ARHGEF12: variants seen among roughly 807,000 people sequenced by gnomAD.
ARHGEF12 encodes KMT2A/ARHGEF12 fusion protein.
Under a neutral mutation model 211.2 loss-of-function variants are expected in ARHGEF12, and 66 were observed. The observed-to-expected ratio is 0.31, with a 90% CI of 0.26 to 0.38. ARHGEF12 has a LOEUF of 0.38. Ranked by LOEUF, ARHGEF12 falls within the 10% of genes least tolerant of loss-of-function variation. The pLI is 1.00. For synonymous variants in ARHGEF12, 592 were observed against 638.4 expected (o/e 0.93, Z 1.09); for missense variants, 1,429 against 1,869.5 (o/e 0.76, Z 4.34).
At chr11:120,384,053 A>C (rs997709331) in intron 1 of ARHGEF12, among the ~76,000 whole-genome samples, 1 of 152,184 alleles carries the variant, frequency 6.6e-6, no homozygotes, top group African/African-American at 2.4e-5. Context: ...GAAAGTGCCA[A>C]GCATCAGAGA....
In ARHGEF12 at chr11:120,421,681, C is replaced by T; in HGVS notation, c.299-122C>T. ...TCGATCTCTTGACCTCGTGATCCGC[C>T]CGCCTCGGCCTCCCAAAGGACAGCC... On this transcript the variant is annotated intron_variant, in intron 5 of 40. Coordinates refer to ENST00000397843, the MANE Select transcript of ARHGEF12 (RefSeq NM_015313.3). 3 of 816,350 alleles carry T rather than the reference C, an allele frequency of 3.7e-6. No homozygotes were observed. In the South Asian group the frequency reaches 4.7e-5, roughly 13 times the overall value. 50.6% of individuals were successfully genotyped at this position (816,350 alleles called of 1,614,324 possible).
chr11:120,352,702 G>A (rs1477760271), intron 1 of ARHGEF12, among the ~76,000 whole-genome samples: 8 of 152,154 alleles, frequency 5.3e-5, no homozygotes. Context: ...TGCTTTGTTT[G>A]CCTGGCTGGG....
Position 120,436,064 on chromosome 11 carries a change from T to C in ARHGEF12, c.925-1244T>C, listed in dbSNP as rs1287685612. On this transcript the variant is annotated intron_variant, in intron 11 of 40. Transcript: ENST00000397843. ...TTCAGAAGAGTTTTTTCAGGAGAGATGATACTCTTACAAACTCCAAAGGTG... is the reference window on the plus strand; with the variant it reads ...TTCAGAAGAGTTTTTTCAGGAGAGACGATACTCTTACAAACTCCAAAGGTG... 2.0e-5 allele frequency among the ~76,000 whole-genome samples: 3 copies of C among 152,164 alleles called. No individual in the cohort carries two copies. In the East Asian group the frequency reaches 5.8e-4, roughly 29 times the overall value.
Position 120,445,580 on chromosome 11 carries a change from A to G in ARHGEF12, c.1345+116A>G, listed in dbSNP as rs898666554. 3.3e-5 allele frequency: 34 copies of G among 1,028,040 alleles called. No individual in the cohort carries two copies. The African/African-American group carries it at 5.2e-4, about 16-fold the overall frequency. The allele number at this position is 1,028,040 out of a possible 1,614,324, so 63.7% of individuals were successfully genotyped here. A position where few individuals can be genotyped will look rare whatever the true frequency, so the allele number is the denominator to read the frequency against. On this transcript the variant is annotated intron_variant, in intron 16 of 40. Coordinates refer to ENST00000397843, the MANE Select transcript of ARHGEF12 (RefSeq NM_015313.3). ...ACTAGTCGATCACCTGAATCACAAC[A>G]GAAAGACAGTCTATAATACATTTAA...
chr11:120,356,284 G>A (rs979443043), intron 1 of ARHGEF12, among the ~76,000 whole-genome samples: 16 of 152,306 alleles, frequency 1.1e-4, no homozygotes, highest in African/African-American at 3.6e-4. Context: ...GCCGTGGCAT[G>A]ATCTTGGCTC....
chr11:120,338,326 C>A (rs117473767), intron 1 of ARHGEF12, among the ~76,000 whole-genome samples: 318 of 152,266 alleles, frequency 2.1e-3, no homozygotes, highest in Middle Eastern at 0.017. Flanking sequence ...GTCTTAATTT[C>A]CTAATAAGAG....
intron 4 of ARHGEF12, chr11:120,410,958 G>A (rs989976515): frequency 2.0e-5 from 3 of 151,756 alleles, no homozygotes; most frequent in East Asian, 3.9e-4. Flanking sequence ...GTTCTATTTC[G>A]TCTTCCTCTC....
At position 120,475,362 on chromosome 11, in the gene ARHGEF12, A is replaced by G. The variant is rs369785699; in HGVS notation, c.3132A>G (p.Glu1044=). ...KTIDLYTLLL[E]DILVLLQKQD... ...TAGATTTATACACGTTGCTGCTGGA[A>G]GACATTCTTGTATTGTTACAAAAGC... The change falls in exon 33 of 41, where the codon GAA becomes GAG. Residue 1044 remains glutamate (E), a synonymous_variant. Transcript: ENST00000397843. 2.6e-5 allele frequency: 42 copies of G among 1,613,934 alleles called. No homozygotes were observed. Among genetic ancestry groups the G allele is most frequent in the Non-Finnish European group, 3.5e-5 (41 of 1,179,980 alleles).
chr11:120,405,542 A>G (rs1301917271), intron 1 of ARHGEF12, among the ~76,000 whole-genome samples: 3 of 152,158 alleles, frequency 2.0e-5, no homozygotes, highest in African/African-American at 7.2e-5. Flanking sequence ...TTTTTTCTAG[A>G]TAATCTGTTA....
At chr11:120,449,439 G>A (rs887676168) in intron 21 of ARHGEF12, 33 of 442,306 alleles carry the variant, frequency 7.5e-5, no homozygotes, top group Admixed American at 3.8e-4. Flanking sequence ...GGTGATTCAC[G>A]CCTGTAATCC....
intron 37 of ARHGEF12, 117 bp downstream of exon 37, chr11:120,478,506 T>A: frequency 1.0e-6 from 1 of 1,005,020 alleles, no homozygotes; most frequent in Non-Finnish European, 1.5e-6. Context: ...TTGTGGAGAT[T>A]ATAGTATTCT....
intron 1 of ARHGEF12, among the ~76,000 whole-genome samples, chr11:120,388,764 G>A (rs1944117624): frequency 6.6e-6 from 1 of 152,026 alleles, no homozygotes; most frequent in Admixed American, 6.5e-5. Context: ...TACTTCTTTT[G>A]TGGATTGTCT....
intron 25 of ARHGEF12, 49 bp downstream of exon 25, chr11:120,458,283 C>T (rs1211483428): frequency 1.2e-6 from 2 of 1,601,666 alleles, no homozygotes; most frequent in East Asian, 2.2e-5. Context: ...TGAGTTTTGT[C>T]AGAGTGAATT....
At chr11:120,409,513 G>T in intron 4 of ARHGEF12, 63 bp downstream of exon 4, 2 of 1,515,182 alleles carry the variant, frequency 1.3e-6, no homozygotes, top group Non-Finnish European at 1.8e-6. Context: ...TTCCTTTTCT[G>T]TTCTTTTTTT....
intron 4 of ARHGEF12, among the ~76,000 whole-genome samples, chr11:120,418,819 T>C (rs549556703): frequency 6.6e-6 from 1 of 152,320 alleles, no homozygotes; most frequent in Admixed American, 6.5e-5. Context: ...CATTGGTCTA[T>C]CTTTGTAATG....
intron 21 of ARHGEF12, chr11:120,450,891 C>G (rs1946191266): frequency 6.6e-6 from 1 of 152,300 alleles, no homozygotes; most frequent in African/African-American, 2.4e-5. Flanking sequence ...GTCCACCATT[C>G]CTCTCCTTCT....
In ARHGEF12 at chr11:120,481,667, A is replaced by G. The variant is rs79508370; in HGVS notation, c.4554+91A>G. On this transcript the variant is annotated intron_variant, in intron 39 of 40. Transcript: ENST00000397843. ...GGTGATGAAAATGCTGATGTCAATA[A>G]ACTTGTTCAGGTTCTAGATTTCTTT... is the stretch of plus-strand genomic sequence containing the variant. 0.012 allele frequency: 15,546 copies of G among 1,282,700 alleles called. 1,071 individuals carry two copies. The South Asian group carries it at 0.15, about 12-fold the overall frequency. The allele number at this position is 1,282,700 out of a possible 1,614,324, so 79.5% of individuals were successfully genotyped here. A position where few individuals can be genotyped will look rare whatever the true frequency, so the allele number is the denominator to read the frequency against.
At chr11:120,451,385 G>C (rs1362290598) in intron 21 of ARHGEF12, 127 bp from the exon 22 acceptor site, 1 of 762,290 alleles carries the variant, frequency 1.3e-6, no homozygotes, top group East Asian at 2.7e-5. Context: ...CACCATATTA[G>C]CCAGGATGGT....
In ARHGEF12 at chr11:120,437,397, CA is replaced by C. The variant is rs1565480970; in HGVS notation, c.999+16del. 1 of 1,600,890 alleles carries C rather than the reference CA, an allele frequency of 6.2e-7. No homozygotes were observed. The highest frequency in any genetic ancestry group is 1.1e-5 in the South Asian group (1 of 89,984). ...TTCAGGACACTGTGAGTATGAAATC[CA>C]TGCAATGATAGTGCTGTCTTTGGCT... On this transcript the variant is annotated intron_variant, in intron 12 of 40. Coordinates refer to ENST00000397843, the MANE Select transcript of ARHGEF12 (RefSeq NM_015313.3).
Sources: allele counts gnomAD v4.1 joint callset (sites outside exome capture counted in the v4.1 genomes callset), GRCh38; gene constraint gnomAD v4.1.1; transcripts MANE v1.5; gene names NCBI Gene and HGNC (gene_info 2026-07-23, HGNC 2026-07-21).